Variants in ZSWIM6 observed in about 807,000 individuals in gnomAD.
ZSWIM6 encodes zinc finger SWIM domain-containing protein 6.
ZSWIM6 carries 9 observed loss-of-function variants against 113.2 expected under a neutral mutation model. The observed-to-expected ratio is 0.08, with a 90% CI of 0.05 to 0.14. ZSWIM6 has a LOEUF of 0.14. Ranked by LOEUF, ZSWIM6 falls within the 10% of genes least tolerant of loss-of-function variation. The pLI is 1.00. For missense variants in ZSWIM6, 1,162 were observed against 1,552.2 expected, an observed-to-expected ratio of 0.75 and a Z score of 4.22; for synonymous variants, 611 against 606.5, an observed-to-expected ratio of 1.01 and a Z score of -0.11.
intron 1 of ZSWIM6, among the ~76,000 whole-genome samples, chr5:61,352,166 G>T (rs1744799361): frequency 6.6e-6 from 1 of 152,142 alleles, no homozygotes; most frequent in Admixed American, 6.5e-5. Flanking sequence ...TTTCTGTCTG[G>T]AATGCTCTTC....
At chr5:61,407,574 AG>A (rs1462009299) in intron 1 of ZSWIM6, among the ~76,000 whole-genome samples, 1 of 152,214 alleles carries the variant, frequency 6.6e-6, no homozygotes, top group African/African-American at 2.4e-5. Flanking sequence ...TATATAAAAA[AG>A]ATCTTTCAAA....
intron 1 of ZSWIM6, among the ~76,000 whole-genome samples, chr5:61,462,136 G>C (rs564363849): frequency 6.6e-6 from 1 of 152,122 alleles, no homozygotes; most frequent in Non-Finnish European, 1.5e-5. Flanking sequence ...TGCTTGTCAG[G>C]CTATAAATTA....
At chr5:61,385,215 A>G (rs1178692938) in intron 1 of ZSWIM6, among the ~76,000 whole-genome samples, 2 of 152,252 alleles carry the variant, frequency 1.3e-5, no homozygotes, top group African/African-American at 2.4e-5. Flanking sequence ...GGTGTTTGGT[A>G]TATTCTCTTC....
intron 2 of ZSWIM6, among the ~76,000 whole-genome samples, chr5:61,487,449 T>G (rs888570122): frequency 6.6e-6 from 1 of 152,086 alleles, no homozygotes; most frequent in Admixed American, 6.6e-5. Flanking sequence ...AATATTTGGA[T>G]AAAGATTGCG....
intron 1 of ZSWIM6, among the ~76,000 whole-genome samples, chr5:61,443,456 T>G (rs560905698): frequency 4.6e-5 from 7 of 152,294 alleles, no homozygotes; most frequent in African/African-American, 1.7e-4. Flanking sequence ...TGTATAATTC[T>G]AACATAACAG....
intron 10 of ZSWIM6, among the ~76,000 whole-genome samples, chr5:61,537,404 A>T (rs147492543): frequency 7.9e-4 from 120 of 152,246 alleles, no homozygotes; most frequent in African/African-American, 2.7e-3. Context: ...AGGAAAAGAG[A>T]GATGTAGCTC....
chr5:61,525,873 C>A lies in ZSWIM6; in HGVS notation c.1587C>A (p.Ser529Arg). ...IEACDLHWQDSHLQHIISSDL... is the reference protein window; with the variant it reads ...IEACDLHWQDRHLQHIISSDL... ...CATGCGATCTCCACTGGCAGGATAG[C>A]CACTTGCAGCACATTATCAGCAGTG... The change falls in exon 6 of 14, where the codon AGC becomes AGA. Residue 529 changes from serine to arginine, a missense_variant. Physicochemically the swap from Ser to Arg is moderately radical, Grantham distance 110 (BLOSUM62 -1). Around this residue, in one of 4 missense-constraint regions of ZSWIM6, gnomAD observed 620 missense variants for 804.6 expected, o/e 0.77. Coordinates refer to ENST00000252744, the MANE Select transcript of ZSWIM6 (RefSeq NM_020928.2). 6.4e-7 allele frequency: 1 copy of A among 1,551,902 alleles called. No individual in the cohort carries two copies.
At chr5:61,377,087 A>G (rs1357929238) in intron 1 of ZSWIM6, among the ~76,000 whole-genome samples, 1 of 152,192 alleles carries the variant, frequency 6.6e-6, no homozygotes, top group Non-Finnish European at 1.5e-5. Context: ...TGATGAAGGC[A>G]CATGTATAGA....
chr5:61,450,799 G>A (rs1024228477), intron 1 of ZSWIM6, among the ~76,000 whole-genome samples: 1 of 152,094 alleles, frequency 6.6e-6, no homozygotes, highest in African/African-American at 2.4e-5. Flanking sequence ...GGATAAGCCC[G>A]TGCTCAATGG....
At chr5:61,482,036 A>G (rs1295861425) in intron 2 of ZSWIM6, among the ~76,000 whole-genome samples, 1 of 152,336 alleles carries the variant, frequency 6.6e-6, no homozygotes, top group Non-Finnish European at 1.5e-5. Flanking sequence ...AACGGTGGGA[A>G]TATCTAACAG....
intron 1 of ZSWIM6, among the ~76,000 whole-genome samples, chr5:61,443,611 CA>C (rs1194422127): frequency 6.6e-6 from 1 of 152,090 alleles, no homozygotes; most frequent in Admixed American, 6.5e-5. Context: ...CTTGATATCA[CA>C]AAATAGGATC....
At chr5:61,416,779 AAGAAC>A (rs1746264703) in intron 1 of ZSWIM6, among the ~76,000 whole-genome samples, 1 of 152,254 alleles carries the variant, frequency 6.6e-6, no homozygotes. Context: ...GCCTATTTGA[AAGAAC>A]AGAAGTTGAG....
At chr5:61,468,040 A>C (rs1007853572) in intron 1 of ZSWIM6, among the ~76,000 whole-genome samples, 2 of 152,222 alleles carry the variant, frequency 1.3e-5, no homozygotes, top group African/African-American at 4.8e-5. Context: ...ATAAAATTTA[A>C]TGAGCACTTT....
intron 1 of ZSWIM6, among the ~76,000 whole-genome samples, chr5:61,396,730 C>T (rs1167123396): frequency 6.6e-6 from 1 of 151,984 alleles, no homozygotes; most frequent in East Asian, 1.9e-4. Flanking sequence ...GTTATCTACA[C>T]TTTAAAATTA....
intron 7 of ZSWIM6, among the ~76,000 whole-genome samples, chr5:61,528,770 T>C (rs1749353228): frequency 6.6e-6 from 1 of 152,094 alleles, no homozygotes; most frequent in Admixed American, 6.5e-5. Context: ...GTATTTTTAG[T>C]ACAGACGGGG....
chr5:61,505,802 G>A lies in ZSWIM6; in HGVS notation c.1333+11392G>A, dbSNP rs975430113. Among the ~76,000 whole-genome samples the A allele has an allele frequency of 3.3e-5, 5 of 150,412 alleles. No individual in the cohort carries two copies. The East Asian group carries it at 5.9e-4, about 18-fold the overall frequency. Reference sequence around the variant, plus strand: ...CTCGCTCTGTCACCCAGGCTGGAGTGCAGTGGTGCTATCTGAACTCACTGT... The same window carrying A: ...CTCGCTCTGTCACCCAGGCTGGAGTACAGTGGTGCTATCTGAACTCACTGT... On this transcript the variant is annotated intron_variant, in intron 4 of 13. Transcript: ENST00000252744.
intron 1 of ZSWIM6, among the ~76,000 whole-genome samples, chr5:61,425,120 A>G (rs1271909616): frequency 6.6e-6 from 1 of 152,178 alleles, no homozygotes; most frequent in Non-Finnish European, 1.5e-5. Context: ...GGGAATAATA[A>G]CTGGATTTTA....
At chr5:61,336,897 G>A (rs1282443196) in intron 1 of ZSWIM6, among the ~76,000 whole-genome samples, 1 of 152,174 alleles carries the variant, frequency 6.6e-6, no homozygotes, top group Non-Finnish European at 1.5e-5. Flanking sequence ...GAAGAGAGAT[G>A]GATAACCCAA....
At chr5:61,445,590 A>G (rs972074007) in intron 1 of ZSWIM6, among the ~76,000 whole-genome samples, 1 of 152,242 alleles carries the variant, frequency 6.6e-6, no homozygotes, top group Non-Finnish European at 1.5e-5. Flanking sequence ...GATAATGGTG[A>G]ACACAACTAA....
Sources: allele counts gnomAD v4.1 joint callset (sites outside exome capture counted in the v4.1 genomes callset), GRCh38; gene constraint gnomAD v4.1.1; regional missense constraint gnomAD v4.1.1; transcripts MANE v1.5; gene names NCBI Gene and HGNC (gene_info 2026-07-23, HGNC 2026-07-21).